CSGALNACT1: variants seen among roughly 807,000 people sequenced by gnomAD.
The protein encoded by CSGALNACT1 is beta4GalNAcT-1.
CSGALNACT1 carries 52 observed loss-of-function variants against 51.0 expected under a neutral mutation model. The ratio of observed to expected loss-of-function variants is 1.02; its 90% confidence interval spans 0.82 to 1.29. The LOEUF (loss-of-function observed/expected upper bound fraction) is 1.29. CSGALNACT1 is among the 50% of genes most tolerant of loss of function. The pLI is 0.00. For synonymous variants in CSGALNACT1, 341 were observed against 254.4 expected, an observed-to-expected ratio of 1.34 and a Z score of -3.24; for missense variants, 935 against 679.2, an observed-to-expected ratio of 1.38 and a Z score of -4.19.
At chr8:19,443,813 A>G (rs997630450) in intron 5 of CSGALNACT1, among the ~76,000 whole-genome samples, 5 of 152,140 alleles carry the variant, frequency 3.3e-5, no homozygotes, top group South Asian at 2.1e-4. Flanking sequence ...CATGGCCCTT[A>G]TATCAGCAGC....
intron 1 of CSGALNACT1, among the ~76,000 whole-genome samples, chr8:19,645,253 G>A (rs1435106682): frequency 6.6e-6 from 1 of 152,226 alleles, no homozygotes; most frequent in African/African-American, 2.4e-5. Flanking sequence ...GGAAAAATGA[G>A]TAACTTTAGG....
chr8:19,693,513 A>G (rs1363486839), intron 1 of CSGALNACT1, among the ~76,000 whole-genome samples: 1 of 152,082 alleles, frequency 6.6e-6, no homozygotes, highest in African/African-American at 2.4e-5. Flanking sequence ...ATTTTATTGC[A>G]TGGGCCATGA....
intron 4 of CSGALNACT1, among the ~76,000 whole-genome samples, chr8:19,503,190 A>T (rs1433242616): frequency 6.6e-6 from 1 of 152,222 alleles, no homozygotes; most frequent in Non-Finnish European, 1.5e-5. Context: ...TTATTTACTC[A>T]TCAACGAAAA....
upstream of CSGALNACT1, among the ~76,000 whole-genome samples, chr8:19,603,117 TA>T (rs35440306): frequency 0.18 from 18,308 of 101,952 alleles, 1,616 homozygotes; most frequent in African/African-American, 0.28. Context: ...ATGCAGGAAT[TA>T]AAAAAAAAAA....
At chr8:19,693,454 G>A (rs984821565) in intron 1 of CSGALNACT1, among the ~76,000 whole-genome samples, 2 of 151,856 alleles carry the variant, frequency 1.3e-5, no homozygotes, top group Admixed American at 6.6e-5. Flanking sequence ...TTGGCTTTTC[G>A]CATCTTCTAA....
chr8:19,604,744 T>TA (rs2051113201), upstream of CSGALNACT1, among the ~76,000 whole-genome samples: 10 of 127,630 alleles, frequency 7.8e-5, no homozygotes, highest in African/African-American at 3.2e-4. Context: ...CGTCTCTACT[T>TA]TAAAAAAAAA....
intron 3 of CSGALNACT1, among the ~76,000 whole-genome samples, chr8:19,525,831 G>A (rs908795162): frequency 2.6e-5 from 4 of 152,050 alleles, no homozygotes; most frequent in African/African-American, 9.7e-5. Flanking sequence ...GGCAGTGCCA[G>A]CTACGTGAGG....
At chr8:19,721,377 A>G (rs1589691342) in intron 1 of CSGALNACT1, among the ~76,000 whole-genome samples, 1 of 152,300 alleles carries the variant, frequency 6.6e-6, no homozygotes, top group Non-Finnish European at 1.5e-5. Context: ...CACTGTTTGC[A>G]CTCTGAAATC....
chr8:19,479,258 C>T (rs1237005754), intron 4 of CSGALNACT1, among the ~76,000 whole-genome samples: 2 of 152,306 alleles, frequency 1.3e-5, no homozygotes, highest in South Asian at 2.1e-4. Context: ...CCAACGCAGA[C>T]TAAAACATCT....
upstream of CSGALNACT1, among the ~76,000 whole-genome samples, chr8:19,685,382 C>G (rs956933299): frequency 9.2e-5 from 14 of 152,104 alleles, no homozygotes; most frequent in Admixed American, 7.9e-4. Context: ...TGCCTGTGGT[C>G]CCAGCTAACC....
chr8:19,457,231 G>C (rs1335556252), intron 5 of CSGALNACT1, among the ~76,000 whole-genome samples: 2 of 152,158 alleles, frequency 1.3e-5, no homozygotes, highest in African/African-American at 2.4e-5. Context: ...AATTCAAACA[G>C]AGTACGCTCA....
chr8:19,537,040 A>T (rs1380838166), intron 3 of CSGALNACT1, among the ~76,000 whole-genome samples: 1 of 152,176 alleles, frequency 6.6e-6, no homozygotes, highest in Non-Finnish European at 1.5e-5. Flanking sequence ...GATCCCAGAG[A>T]AACCTTAAAA....
intron 1 of CSGALNACT1, among the ~76,000 whole-genome samples, chr8:19,697,547 G>A (rs1462704938): frequency 6.6e-6 from 1 of 152,168 alleles, no homozygotes; most frequent in Non-Finnish European, 1.5e-5. Flanking sequence ...CAGAAGAAAA[G>A]CAAGATAAAT....
intron 1 of CSGALNACT1, among the ~76,000 whole-genome samples, chr8:19,635,545 C>G (rs1024080340): frequency 2.0e-5 from 3 of 152,168 alleles, no homozygotes; most frequent in Non-Finnish European, 4.4e-5. Flanking sequence ...TGTTGCCTCC[C>G]CCTTGTCTGT....
chr8:19,607,372 C>T (rs915748954), upstream of CSGALNACT1, among the ~76,000 whole-genome samples: 1 of 152,148 alleles, frequency 6.6e-6, no homozygotes, highest in Non-Finnish European at 1.5e-5. Flanking sequence ...TAACTAGTCT[C>T]TTGAAAATAA....
chr8:19,627,483 G>C (rs1224744223), intron 1 of CSGALNACT1, among the ~76,000 whole-genome samples: 1 of 151,998 alleles, frequency 6.6e-6, no homozygotes, highest in Non-Finnish European at 1.5e-5. Context: ...CACATCTAGA[G>C]AGGTAATAAC....
intron 3 of CSGALNACT1, among the ~76,000 whole-genome samples, chr8:19,518,751 A>T (rs1455353658): frequency 1.3e-5 from 2 of 152,138 alleles, no homozygotes; most frequent in Non-Finnish European, 2.9e-5. Flanking sequence ...TAGCTGCTTC[A>T]CTTCCAGCTA....
At chr8:19,723,529 T>C (rs1363295192) in intron 1 of CSGALNACT1, among the ~76,000 whole-genome samples, 1 of 152,170 alleles carries the variant, frequency 6.6e-6, no homozygotes, top group Non-Finnish European at 1.5e-5. Context: ...AAAAAGGGAA[T>C]GGAATTTATA....
chr8:19,564,811 C>T (rs2041571207), intron 3 of CSGALNACT1, among the ~76,000 whole-genome samples: 1 of 152,142 alleles, frequency 6.6e-6, no homozygotes, highest in South Asian at 2.1e-4. Flanking sequence ...GCTACCTTGC[C>T]CCATGAGAAT....
Sources: gnomAD v4.1 joint callset for allele counts (sites outside exome capture counted in the v4.1 genomes callset) on GRCh38, gnomAD v4.1.1 for gene constraint, MANE v1.5 for transcripts, NCBI Gene and HGNC (gene_info 2026-07-23, HGNC 2026-07-21) for gene names.